The following VMP1 variants were observed in gnomAD, a reference collection of about 807,000 sequenced individuals.
The protein encoded by VMP1 is ectopic P-granules autophagy protein 3 homolog.
VMP1 carries 11 observed loss-of-function variants against 56.0 expected under a neutral mutation model. The observed-to-expected ratio is 0.20, with a 90% CI of 0.12 to 0.32. The LOEUF is 0.32. VMP1 is among the 10% of genes least tolerant of loss of function. The pLI, the probability that VMP1 is intolerant of heterozygous loss-of-function variation, is 1.00. For missense variants in VMP1, 296 were observed against 490.3 expected (o/e 0.60, Z 3.74); for synonymous variants, 149 against 165.0 (o/e 0.90, Z 0.74).
At chr17:59,738,701 C>T in intron 4 of VMP1, 136 bp from the exon 5 acceptor site, 1 of 618,018 alleles carries the variant, frequency 1.6e-6, no homozygotes, top group Non-Finnish European at 2.7e-6. Context: ...AATTAGGCCT[C>T]TTCAATGGGT....
chr17:59,792,592 C>T (rs1176203300), intron 7 of VMP1, among the ~76,000 whole-genome samples: 6 of 151,390 alleles, frequency 4.0e-5, no homozygotes, highest in South Asian at 2.1e-4. Flanking sequence ...AGGCTGGGCA[C>T]GGTGGCTCAT....
chr17:59,752,004 G>C (rs934887744), intron 5 of VMP1, among the ~76,000 whole-genome samples: 6 of 151,490 alleles, frequency 4.0e-5, no homozygotes, highest in Non-Finnish European at 8.9e-5. Context: ...GTAGAAACGG[G>C]GTCTCTCCAT....
intron 10 of VMP1, among the ~76,000 whole-genome samples, chr17:59,836,089 A>G (rs895323932): frequency 1.3e-5 from 2 of 151,196 alleles, no homozygotes; most frequent in Non-Finnish European, 3.0e-5. Flanking sequence ...GATTGTTCAC[A>G]GCATCTTTTA....
At chr17:59,748,385 T>C (rs1457092816) in intron 5 of VMP1, among the ~76,000 whole-genome samples, 3 of 152,196 alleles carry the variant, frequency 2.0e-5, no homozygotes, top group Non-Finnish European at 4.4e-5. Context: ...ATAAAATCTT[T>C]CATTAAATCC....
chr17:59,804,692 A>G (rs970919489), intron 7 of VMP1, among the ~76,000 whole-genome samples: 8 of 151,642 alleles, frequency 5.3e-5, no homozygotes, highest in Non-Finnish European at 7.4e-5. Flanking sequence ...TATCAAATCT[A>G]AACATTAAAC....
At chr17:59,708,780 G>C (rs189073179) in intron 1 of VMP1, among the ~76,000 whole-genome samples, 32 of 152,286 alleles carry the variant, frequency 2.1e-4, no homozygotes, top group African/African-American at 7.5e-4. Flanking sequence ...ATGATGAAAG[G>C]AAGAAACTTA....
chr17:59,759,901 G>T (rs1327925124), intron 5 of VMP1, among the ~76,000 whole-genome samples: 9 of 60,056 alleles, frequency 1.5e-4, no homozygotes, highest in South Asian at 8.6e-4. Flanking sequence ...TTGTTTTTTG[G>T]TGTTTTTTTT....
intron 10 of VMP1, among the ~76,000 whole-genome samples, chr17:59,825,077 ATTTTTTTTTTTTTTT>A (rs747807694): frequency 1.4e-5 from 1 of 70,090 alleles, no homozygotes; most frequent in Non-Finnish European, 2.6e-5. Flanking sequence ...GTTAGTTGTG[ATTTTTTTTTTTTTTT>A]TTTTTTTTTT....
intron 1 of VMP1, among the ~76,000 whole-genome samples, chr17:59,721,926 G>C (rs2034414998): frequency 6.6e-6 from 1 of 152,064 alleles, no homozygotes; most frequent in African/African-American, 2.4e-5. Context: ...GTGCCAGCAG[G>C]GTTTATTTCT....
intron 7 of VMP1, among the ~76,000 whole-genome samples, chr17:59,787,835 ATTAG>A (rs1050373484): frequency 5.3e-5 from 8 of 152,002 alleles, no homozygotes; most frequent in African/African-American, 9.7e-5. Context: ...TAATTAATTA[ATTAG>A]TTAATTAATT....
intron 7 of VMP1, among the ~76,000 whole-genome samples, chr17:59,780,038 T>TTA (rs2036763806): frequency 6.6e-6 from 1 of 152,218 alleles, no homozygotes; most frequent in East Asian, 1.9e-4. Context: ...CTTTCATCTC[T>TTA]TATGTCCCTG....
At chr17:59,808,679 C>T in intron 7 of VMP1, 117 bp from the exon 8 acceptor site, 1 of 746,228 alleles carries the variant, frequency 1.3e-6, no homozygotes, top group Middle Eastern at 3.7e-4. Context: ...TTTTTTTCAT[C>T]ATTCATCTTA....
In VMP1 at chr17:59,798,192, C is replaced by T. The variant is rs867681542; in HGVS notation, c.715-10604C>T. On this transcript the variant is annotated intron_variant, in intron 7 of 11. Transcript: ENST00000262291. ...CAACCTGCCCATGTAAATTTGGTAA[C>T]GGAAATACATCTATACATCGAGAAA... Among the ~76,000 whole-genome samples the T allele has an allele frequency of 4.6e-5, 7 of 152,290 alleles. No individual in the cohort carries two copies. The Middle Eastern group carries it at 0.014, about 296-fold the overall frequency.
At chr17:59,826,897 A>G (rs893071342) in intron 10 of VMP1, among the ~76,000 whole-genome samples, 1 of 152,220 alleles carries the variant, frequency 6.6e-6, no homozygotes, top group South Asian at 2.1e-4. Flanking sequence ...CTAGAGCACC[A>G]GTTTCAAACA....
At chr17:59,770,559 T>G (rs1353028070) in intron 6 of VMP1, among the ~76,000 whole-genome samples, 1 of 151,956 alleles carries the variant, frequency 6.6e-6, no homozygotes, top group Non-Finnish European at 1.5e-5. Context: ...CCAATTAGTG[T>G]TCAAATTTTT....
chr17:59,732,078 G>GA (rs1028835016), intron 2 of VMP1, among the ~76,000 whole-genome samples: 2 of 151,482 alleles, frequency 1.3e-5, no homozygotes, highest in Admixed American at 6.6e-5. Context: ...AAAGGAAAAT[G>GA]AAAAAAAAGT....
Position 59,738,863 on chromosome 17 carries a change from T to C in VMP1, c.330T>C (p.Phe110=). Reference sequence around the variant, plus strand: ...ATGTGCAACGTATAGAGAAACAGTTTCTTTTGTATGCCTACTGGATAGGCT... The same window carrying C: ...ATGTGCAACGTATAGAGAAACAGTTCCTTTTGTATGCCTACTGGATAGGCT... ...QQYVQRIEKQ[F]LLYAYWIGLG... Residue 110 remains phenylalanine, a synonymous_variant, in exon 5 of 12, where the codon TTT becomes TTC. Transcript: ENST00000262291. 1 of 1,613,012 alleles carries C rather than the reference T, an allele frequency of 6.2e-7. No homozygotes were observed. The highest frequency in any genetic ancestry group is 8.5e-7 in the Non-Finnish European group (1 of 1,179,586).
rs1288447326 is a variant in VMP1, at chr17:59,836,431, C to G, written c.975-1864C>G. ...CAGGATGGTATTGAACTCCTGGGCT[C>G]AAGCCATCCTCCCATCTTGGCCTCC... On this transcript the variant is annotated intron_variant, in intron 10 of 11. Coordinates refer to ENST00000262291, the MANE Select transcript of VMP1 (RefSeq NM_030938.5). 3.3e-5 allele frequency among the ~76,000 whole-genome samples: 5 copies of G among 152,042 alleles called. No individual in the cohort carries two copies. In the South Asian group the frequency reaches 6.2e-4, roughly 19 times the overall value.
At chr17:59,769,778 A>G (rs1328031090) in intron 6 of VMP1, among the ~76,000 whole-genome samples, 2 of 152,210 alleles carry the variant, frequency 1.3e-5, no homozygotes, top group Admixed American at 6.5e-5. Context: ...TTAGGCTGAC[A>G]GTTTTCAGTG....
Sources: gnomAD v4.1 joint callset for allele counts (sites outside exome capture counted in the v4.1 genomes callset) on GRCh38, gnomAD v4.1.1 for gene constraint, MANE v1.5 for transcripts, NCBI Gene and HGNC (gene_info 2026-07-23, HGNC 2026-07-21) for gene names.